Variants in RABGAP1L observed in about 807,000 individuals in gnomAD.
The protein encoded by RABGAP1L is RAB GTPase activating protein 1 like, also known as rab GTPase-activating protein 1-like.
RABGAP1L carries 63 observed loss-of-function variants against 137.7 expected under a neutral mutation model. That is an observed-to-expected ratio of 0.46 (90% confidence interval 0.37 to 0.56). The LOEUF is 0.56. RABGAP1L is among the 20% of genes least tolerant of loss of function. The probability of loss-of-function intolerance (pLI) is 0.00; values close to 1 mark genes in which losing one functional copy is unlikely to be tolerated. For missense variants in RABGAP1L, 1,095 were observed against 1,244.0 expected (o/e 0.88, Z 1.80); for synonymous variants, 431 against 433.7 (o/e 0.99, Z 0.08).
rs144923110 is a variant in RABGAP1L, at chr1:174,703,612, G to T, written c.2169+1356G>T. On this transcript the variant is annotated intron_variant, in intron 17 of 25. Transcript: ENST00000681986. ...TCCTTTGGATAGGTACCCAATAGTG[G>T]GATTGCTGGATTGAATGGTAGTTCT... is the stretch of plus-strand genomic sequence containing the variant. Among the ~76,000 whole-genome samples the T allele has an allele frequency of 3.1e-4, 47 of 152,166 alleles. 1 individual carries two copies. Among genetic ancestry groups the T allele is most frequent in the African/African-American group, 1.1e-3 (46 of 41,518 alleles).
At chr1:174,635,367 A>G (rs563637172) in intron 13 of RABGAP1L, among the ~76,000 whole-genome samples, 16 of 152,328 alleles carry the variant, frequency 1.1e-4, no homozygotes, top group East Asian at 3.9e-4. Flanking sequence ...TTATAAGTGG[A>G]AACTATTAAC....
intron 12 of RABGAP1L, among the ~76,000 whole-genome samples, chr1:174,384,723 C>A (rs932924628): frequency 6.6e-6 from 1 of 152,104 alleles, no homozygotes; most frequent in African/African-American, 2.4e-5. Context: ...GTGCACATGA[C>A]CTCCTTAAAG....
chr1:174,292,097 G>T (rs1676665769), intron 10 of RABGAP1L, among the ~76,000 whole-genome samples: 1 of 149,226 alleles, frequency 6.7e-6, no homozygotes, highest in Non-Finnish European at 1.5e-5. Context: ...GAGTGCAGTG[G>T]CACGACCATA....
chr1:174,228,497 A>G (rs370860190), intron 3 of RABGAP1L, among the ~76,000 whole-genome samples: 3 of 152,178 alleles, frequency 2.0e-5, no homozygotes, highest in African/African-American at 7.2e-5. Flanking sequence ...AAAAACATAC[A>G]TGTATATAAT....
At chr1:174,171,378 A>G (rs1665369438) in intron 1 of RABGAP1L, among the ~76,000 whole-genome samples, 1 of 152,208 alleles carries the variant, frequency 6.6e-6, no homozygotes, top group African/African-American at 2.4e-5. Context: ...TACAGATACA[A>G]AATCATGAAA....
intron 14 of RABGAP1L, among the ~76,000 whole-genome samples, chr1:174,647,649 G>C (rs773861863): frequency 6.6e-5 from 10 of 151,998 alleles, no homozygotes; most frequent in Non-Finnish European, 1.2e-4. Context: ...GTTCATCGGG[G>C]GTATTGGCCT....
intron 19 of RABGAP1L, among the ~76,000 whole-genome samples, chr1:174,941,150 G>A (rs556421924): frequency 1.3e-5 from 2 of 152,250 alleles, no homozygotes; most frequent in Admixed American, 1.3e-4. Context: ...CTTCCATCTG[G>A]AACTTCTTGT....
rs190618821 is a variant in RABGAP1L at position 174,514,298 on chromosome 1, A to G, written c.1710+120153A>G. ...GGGGAGGGATCTTCGTGTTGGTAGG[A>G]TTCGTTTTCCACCTTTAAAAATTTA... On this transcript the variant is annotated intron_variant, in intron 13 of 25. Transcript: ENST00000681986. Among the ~76,000 whole-genome samples the G allele has an allele frequency of 2.9e-3, 425 of 148,478 alleles. 2 individuals carry two copies. Among genetic ancestry groups the G allele is most frequent in the Non-Finnish European group, 5.0e-3 (337 of 67,278 alleles).
intron 10 of RABGAP1L, among the ~76,000 whole-genome samples, chr1:174,284,123 A>G (rs777470930): frequency 6.6e-6 from 1 of 152,146 alleles, no homozygotes; most frequent in Non-Finnish European, 1.5e-5. Context: ...TGTGTGTAGA[A>G]CACTTAAGAT....
At chr1:174,299,064 G>A (rs10912757) in intron 10 of RABGAP1L, among the ~76,000 whole-genome samples, 41,404 of 152,144 alleles carry the variant, frequency 0.27, 6,091 homozygotes, top group African/African-American at 0.36. Flanking sequence ...AAAACAAATC[G>A]TCATAGGACT....
At chr1:174,935,459 G>C (rs368425908) in intron 19 of RABGAP1L, 2 of 152,098 alleles carry the variant, frequency 1.3e-5, no homozygotes, top group Non-Finnish European at 2.9e-5. Context: ...ATTTTGTCTC[G>C]TTCTTATAAA....
At chr1:174,291,056 A>C (rs1351200006) in intron 10 of RABGAP1L, among the ~76,000 whole-genome samples, 2 of 152,130 alleles carry the variant, frequency 1.3e-5, no homozygotes, top group Non-Finnish European at 2.9e-5. Context: ...CACTGTGCCC[A>C]GCTCTTTTAG....
chr1:174,343,176 T>C (rs1284291276), intron 11 of RABGAP1L, among the ~76,000 whole-genome samples: 2 of 152,230 alleles, frequency 1.3e-5, no homozygotes, highest in African/African-American at 4.8e-5. Flanking sequence ...TTGCACAGTA[T>C]TCTGTGGTGT....
intron 11 of RABGAP1L, among the ~76,000 whole-genome samples, chr1:174,322,453 A>T (rs1571213119): frequency 6.6e-6 from 1 of 152,120 alleles, no homozygotes; most frequent in African/African-American, 2.4e-5. Flanking sequence ...AAAAGCGCTC[A>T]CTCATATAGC....
chr1:174,265,079 T>C (rs1398106158), intron 7 of RABGAP1L, among the ~76,000 whole-genome samples: 1 of 152,210 alleles, frequency 6.6e-6, no homozygotes, highest in Non-Finnish European at 1.5e-5. Flanking sequence ...AAATGGACTT[T>C]TGTTAATCAG....
chr1:174,823,754 T>C (rs1325989259), intron 19 of RABGAP1L, among the ~76,000 whole-genome samples: 1 of 152,234 alleles, frequency 6.6e-6, no homozygotes, highest in Non-Finnish European at 1.5e-5. Context: ...GTGATCGATA[T>C]CCTAGTACTC....
intron 13 of RABGAP1L, among the ~76,000 whole-genome samples, chr1:174,486,472 G>A (rs550510267): frequency 3.3e-5 from 5 of 150,744 alleles, no homozygotes; most frequent in East Asian, 3.9e-4. Context: ...TCAGCCTCCC[G>A]AGTAGCTGGG....
At chr1:174,900,446 TG>T (rs1657954396) in intron 19 of RABGAP1L, among the ~76,000 whole-genome samples, 1 of 152,176 alleles carries the variant, frequency 6.6e-6, no homozygotes. Flanking sequence ...TTGCTTGGTG[TG>T]TGTGGTCTAT....
chr1:174,821,616 T>C (rs896067100), intron 19 of RABGAP1L, among the ~76,000 whole-genome samples: 1 of 152,188 alleles, frequency 6.6e-6, no homozygotes, highest in African/African-American at 2.4e-5. Context: ...AGAGCAAAAC[T>C]GTAAAGAACA....
Sources: gnomAD v4.1 joint callset for allele counts (sites outside exome capture counted in the v4.1 genomes callset) on GRCh38, gnomAD v4.1.1 for gene constraint, MANE v1.5 for transcripts, NCBI Gene and HGNC (gene_info 2026-07-23, HGNC 2026-07-21) for gene names.